Variants in TFCP2 observed in about 807,000 individuals in gnomAD.
TFCP2 encodes transcription factor CP2.
In TFCP2, 33 loss-of-function variants were observed where a neutral mutation model predicts 73.4. The ratio of observed to expected loss-of-function variants is 0.45; its 90% CI spans 0.34 to 0.60. TFCP2 has a LOEUF of 0.60. TFCP2 is among the 20% of genes least tolerant of loss of function. The probability of loss-of-function intolerance (pLI) is 0.01; values close to 1 mark genes in which losing one functional copy is unlikely to be tolerated. For synonymous variants in TFCP2, 193 were observed against 211.6 expected (o/e 0.91, Z 0.76); for missense variants, 352 against 604.0 (o/e 0.58, Z 4.37).
At chr12:51,147,880 A>G (rs1941331823) in intron 1 of TFCP2, among the ~76,000 whole-genome samples, 1 of 152,198 alleles carries the variant, frequency 6.6e-6, no homozygotes, top group Admixed American at 6.5e-5. Flanking sequence ...GAAAATCACA[A>G]TCTATACATC....
At chr12:51,167,172 GA>G (rs755795115) in intron 1 of TFCP2, among the ~76,000 whole-genome samples, 1 of 151,032 alleles carries the variant, frequency 6.6e-6, no homozygotes, top group Non-Finnish European at 1.5e-5. Flanking sequence ...AAAAATATAA[GA>G]AAAAAAGAAT....
intron 1 of TFCP2, among the ~76,000 whole-genome samples, chr12:51,126,551 G>A (rs377456894): frequency 2.0e-5 from 3 of 152,112 alleles, no homozygotes; most frequent in South Asian, 2.1e-4. Flanking sequence ...CCAGCTGTTC[G>A]AGATGCTCTG....
chr12:51,094,661 A>C lies in TFCP2; in HGVS notation c.*580T>G, dbSNP rs1194041235. 6.6e-6 allele frequency: 1 copy of C among 152,572 alleles called. No homozygotes were observed. The highest frequency in any genetic ancestry group is 1.5e-5 in the Non-Finnish European group (1 of 68,334). The allele number at this position is 152,572 out of a possible 1,614,324, so 9.5% of individuals were successfully genotyped here. A position where few individuals can be genotyped will look rare whatever the true frequency, so the allele number is the denominator to read the frequency against. On this transcript the variant is annotated 3_prime_UTR_variant, in exon 15 of 15. Coordinates refer to ENST00000257915, the MANE Select transcript of TFCP2 (RefSeq NM_005653.5). ...AAGATGGTCATTCAAAAAATTTATC[A>C]CACTGCCTGGTCAATAAATGTTAGC... is the stretch of plus-strand genomic sequence containing the variant.
chr12:51,113,495 G>A (rs1940448524), intron 4 of TFCP2, among the ~76,000 whole-genome samples: 1 of 152,134 alleles, frequency 6.6e-6, no homozygotes, highest in African/African-American at 2.4e-5. Context: ...ATAGTGCCTG[G>A]TTCTCAGGCA....
intron 1 of TFCP2, among the ~76,000 whole-genome samples, chr12:51,120,889 G>A (rs1453049499): frequency 3.2e-5 from 4 of 126,618 alleles, no homozygotes; most frequent in South Asian, 5.2e-4. Flanking sequence ...CAGCCTGGGC[G>A]ACATAGCGAG....
intron 1 of TFCP2, among the ~76,000 whole-genome samples, chr12:51,121,985 T>C (rs779957881): frequency 1.3e-5 from 2 of 152,182 alleles, no homozygotes; most frequent in Non-Finnish European, 2.9e-5. Flanking sequence ...AAAGACACTA[T>C]TGACAGAAAG....
At chr12:51,152,931 A>G (rs937471189) in intron 1 of TFCP2, among the ~76,000 whole-genome samples, 5 of 152,204 alleles carry the variant, frequency 3.3e-5, no homozygotes, top group Non-Finnish European at 4.4e-5. Context: ...TGCAAGGCTG[A>G]AACTCTTATA....
At chr12:51,097,991 G>C (rs1940009500) in intron 13 of TFCP2, among the ~76,000 whole-genome samples, 1 of 151,932 alleles carries the variant, frequency 6.6e-6, no homozygotes, top group Admixed American at 6.6e-5. Flanking sequence ...CAACAGCCTG[G>C]GCGACAGAGT....
At chr12:51,130,445 C>T (rs1940915083) in intron 1 of TFCP2, among the ~76,000 whole-genome samples, 1 of 151,680 alleles carries the variant, frequency 6.6e-6, no homozygotes, top group Admixed American at 6.6e-5. Context: ...ACACTCCAGC[C>T]TGGGTGATAG....
In TFCP2 at chr12:51,172,564, G is replaced by A; in HGVS notation, c.-142C>T. 4.7e-6 allele frequency: 5 copies of A among 1,069,602 alleles called. No homozygotes were observed. In the East Asian group the frequency reaches 7.5e-5, roughly 16 times the overall value. The allele number at this position is 1,069,602 out of a possible 1,614,324, so 66.3% of individuals were successfully genotyped here. A position where few individuals can be genotyped will look rare whatever the true frequency, so the allele number is the denominator to read the frequency against. On this transcript the variant is annotated 5_prime_UTR_variant, in exon 1 of 15. Transcript: ENST00000257915. ...GTGCCCACCAGCCACCCCCAAGCCCGACCAGCACTGCTCTGTGCACAACTA... is the reference window on the plus strand; with the variant it reads ...GTGCCCACCAGCCACCCCCAAGCCCAACCAGCACTGCTCTGTGCACAACTA...
At chr12:51,149,159 A>T (rs940099064) in intron 1 of TFCP2, among the ~76,000 whole-genome samples, 1 of 152,108 alleles carries the variant, frequency 6.6e-6, no homozygotes. Flanking sequence ...CTCTAAGTGA[A>T]GTAACTCAGG....
chr12:51,156,345 G>C (rs574660999), intron 1 of TFCP2, among the ~76,000 whole-genome samples: 17 of 151,546 alleles, frequency 1.1e-4, no homozygotes, highest in Admixed American at 2.0e-4. Flanking sequence ...AGGAAGCAAG[G>C]GGGGGGGAGG....
At chr12:51,142,298 G>C (rs1245566056) in intron 1 of TFCP2, among the ~76,000 whole-genome samples, 2 of 150,620 alleles carry the variant, frequency 1.3e-5, no homozygotes, top group Admixed American at 6.6e-5. Flanking sequence ...AGACAATGCT[G>C]CTACCATTTA....
intron 1 of TFCP2, among the ~76,000 whole-genome samples, chr12:51,155,328 A>G (rs1941515300): frequency 6.6e-6 from 1 of 152,206 alleles, no homozygotes; most frequent in Non-Finnish European, 1.5e-5. Flanking sequence ...CTTAGTTTCC[A>G]TAATTGAGTA....
intron 1 of TFCP2, among the ~76,000 whole-genome samples, chr12:51,161,096 T>G (rs770401486): frequency 3.9e-4 from 59 of 152,066 alleles, no homozygotes; most frequent in Non-Finnish European, 7.2e-4. Context: ...TCTTTTCTTA[T>G]TGGATCTAAG....
chr12:51,113,350 T>G (rs1364383875), intron 4 of TFCP2, among the ~76,000 whole-genome samples: 1 of 152,222 alleles, frequency 6.6e-6, no homozygotes, highest in Non-Finnish European at 1.5e-5. Flanking sequence ...AGTGACTGCA[T>G]GTGTATTTGT....
chr12:51,118,207 T>A (rs2136983671), intron 2 of TFCP2, among the ~76,000 whole-genome samples: 1 of 152,324 alleles, frequency 6.6e-6, no homozygotes, highest in South Asian at 2.1e-4. Flanking sequence ...GACTTCTAGT[T>A]TGATAGGCCA....
At chr12:51,108,599 C>A (rs149630707) in intron 6 of TFCP2, among the ~76,000 whole-genome samples, 16 of 151,968 alleles carry the variant, frequency 1.1e-4, no homozygotes, top group Non-Finnish European at 2.1e-4. Flanking sequence ...CATGGCAAGA[C>A]CCCCTCTCTA....
In TFCP2 at chr12:51,099,030, A is replaced by G. The variant is rs987638458; in HGVS notation, c.1277-112T>C. The G allele has an allele frequency of 2.5e-6, 3 of 1,191,612 alleles. No individual in the cohort carries two copies. In the African/African-American group the frequency reaches 4.6e-5, roughly 18 times the overall value. 73.8% of individuals were successfully genotyped at this position (1,191,612 alleles called of 1,614,324 possible). A position where few individuals can be genotyped will look rare whatever the true frequency, so the allele number is the denominator to read the frequency against. On this transcript the variant is annotated intron_variant, in intron 12 of 14. Coordinates refer to ENST00000257915, the MANE Select transcript of TFCP2 (RefSeq NM_005653.5). ...GAAGGACTCAGAAATCACACTGCCT[A>G]AGTTCAAATCCTGGCTCAACCACTT...
Sources: allele counts gnomAD v4.1 joint callset (sites outside exome capture counted in the v4.1 genomes callset), GRCh38; gene constraint gnomAD v4.1.1; transcripts MANE v1.5; gene names NCBI Gene and HGNC (gene_info 2026-07-23, HGNC 2026-07-21).